The following PIGL variants were observed in gnomAD, a reference collection of about 807,000 sequenced individuals.
The protein encoded by PIGL is N-acetylglucosaminyl-phosphatidylinositol de-N-acetylase.
PIGL carries 22 observed loss-of-function variants against 31.1 expected under a neutral mutation model. The observed-to-expected ratio is 0.71, with a 90% CI of 0.51 to 1.01. The LOEUF (loss-of-function observed/expected upper bound fraction) is 1.01, where lower values mean the gene tolerates loss of function less well. Ranked by LOEUF, PIGL falls within the 50% of genes least tolerant of loss-of-function variation. The pLI is 0.00. For synonymous variants in PIGL, 131 were observed against 117.4 expected (o/e 1.12, Z -0.75); for missense variants, 302 against 315.9 (o/e 0.96, Z 0.33).
intron 1 of PIGL, among the ~76,000 whole-genome samples, chr17:16,230,005 G>C (rs1220318414): frequency 1.3e-5 from 2 of 151,954 alleles, no homozygotes; most frequent in Non-Finnish European, 2.9e-5. Context: ...GGGACTACAG[G>C]CGTGTGCCCA....
intron 1 of PIGL, among the ~76,000 whole-genome samples, chr17:16,228,430 G>A (rs937669395): frequency 4.6e-5 from 7 of 151,722 alleles, no homozygotes; most frequent in African/African-American, 1.7e-4. Flanking sequence ...TGTCGCCCAG[G>A]CTGGAGTGCA....
At chr17:16,266,388 CAAAA>C (rs60708474) in intron 2 of PIGL, among the ~76,000 whole-genome samples, 2 of 72,018 alleles carry the variant, frequency 2.8e-5, no homozygotes, top group Admixed American at 1.8e-4. Context: ...GACTCCATCT[CAAAA>C]AAAAAAAAAA....
intron 1 of PIGL, among the ~76,000 whole-genome samples, chr17:16,232,354 G>A (rs938397320): frequency 2.0e-5 from 3 of 152,062 alleles, no homozygotes; most frequent in African/African-American, 7.2e-5. Flanking sequence ...AGATTATTTT[G>A]TGCATCCTAG....
At chr17:16,242,658 T>TG (rs1310216265) in intron 2 of PIGL, among the ~76,000 whole-genome samples, 2 of 142,872 alleles carry the variant, frequency 1.4e-5, no homozygotes, top group Admixed American at 7.1e-5. Context: ...TTTTTTTTTT[T>TG]TTTTTTTTTT....
intron 3 of PIGL, 49 bp from the exon 4 acceptor site, chr17:16,313,498 T>G: frequency 1.5e-6 from 2 of 1,299,384 alleles, no homozygotes; most frequent in Non-Finnish European, 1.1e-6. Context: ...TCCATTGAAG[T>G]TGAGGTGGTG....
intron 1 of PIGL, chr17:16,217,766 CT>C (rs1469310925): frequency 1.8e-4 from 63 of 341,012 alleles, no homozygotes; most frequent in Middle Eastern, 1.7e-3. Flanking sequence ...TTCTGTGGAA[CT>C]TTTTTTTATT....
intron 2 of PIGL, among the ~76,000 whole-genome samples, chr17:16,266,190 G>A (rs939349514): frequency 3.3e-5 from 5 of 151,802 alleles, no homozygotes; most frequent in African/African-American, 1.2e-4. Context: ...TGAGGCAGGC[G>A]GATCACCTGA....
At position 16,237,833 on chromosome 17, in the gene PIGL, T is replaced by C. The variant is rs542246586; in HGVS notation, c.335+3763T>C. Reference sequence around the variant, plus strand: ...AAAAAAAAAAAAAAAAAATTGAATCTCTTTTCTGTCACACTGAAAGTCCTT... The same window carrying C: ...AAAAAAAAAAAAAAAAAATTGAATCCCTTTTCTGTCACACTGAAAGTCCTT... On this transcript the variant is annotated intron_variant, in intron 2 of 6. Coordinates refer to ENST00000225609, the MANE Select transcript of PIGL (RefSeq NM_004278.4). Among the ~76,000 whole-genome samples, 3 of 149,496 alleles carry C rather than the reference T, an allele frequency of 2.0e-5. No individual in the cohort carries two copies. The East Asian group carries it at 5.9e-4, about 29-fold the overall frequency.
intron 3 of PIGL, among the ~76,000 whole-genome samples, chr17:16,307,446 G>A (rs1912357563): frequency 6.6e-6 from 1 of 152,216 alleles, no homozygotes; most frequent in African/African-American, 2.4e-5. Context: ...CGCTGGGTGG[G>A]AGAGGGCAAC....
At chr17:16,238,789 AT>A (rs2092710286) in intron 2 of PIGL, among the ~76,000 whole-genome samples, 2 of 150,182 alleles carry the variant, frequency 1.3e-5, no homozygotes, top group South Asian at 2.1e-4. Flanking sequence ...CGTGCCTGTA[AT>A]CCCAGCTACT....
At chr17:16,291,324 T>C (rs1307302669) in intron 2 of PIGL, among the ~76,000 whole-genome samples, 3 of 151,176 alleles carry the variant, frequency 2.0e-5, no homozygotes, top group Non-Finnish European at 4.4e-5. Flanking sequence ...CTGGCCAACA[T>C]GGTGAAACCC....
At chr17:16,293,029 C>T (rs974650071) in intron 2 of PIGL, among the ~76,000 whole-genome samples, 3 of 152,140 alleles carry the variant, frequency 2.0e-5, no homozygotes, top group African/African-American at 7.2e-5. Context: ...GGACCCAGGC[C>T]TTGAGCTGAT....
At chr17:16,225,388 T>C (rs1371398500) in intron 1 of PIGL, among the ~76,000 whole-genome samples, 3 of 141,564 alleles carry the variant, frequency 2.1e-5, no homozygotes, top group African/African-American at 7.9e-5. Flanking sequence ...CGTTTCTTTT[T>C]TTTTTTTTTT....
At chr17:16,234,706 A>G (rs1356178326) in intron 2 of PIGL, among the ~76,000 whole-genome samples, 1 of 152,234 alleles carries the variant, frequency 6.6e-6, no homozygotes, top group South Asian at 2.1e-4. Context: ...CAGAGGTTGC[A>G]GTGAGCCAAG....
chr17:16,236,621 G>A (rs550389959), intron 2 of PIGL, among the ~76,000 whole-genome samples: 2 of 152,188 alleles, frequency 1.3e-5, no homozygotes, highest in South Asian at 2.1e-4. Flanking sequence ...AGGCTGGAGT[G>A]CAGTGGTGCG....
chr17:16,247,445 T>C (rs2092753352), intron 2 of PIGL, among the ~76,000 whole-genome samples: 2 of 152,108 alleles, frequency 1.3e-5, no homozygotes, highest in African/African-American at 2.4e-5. Flanking sequence ...ATTTACAAAA[T>C]ATAAGGAATG....
intron 3 of PIGL, among the ~76,000 whole-genome samples, chr17:16,310,499 T>TA (rs990885413): frequency 1.7e-4 from 26 of 152,298 alleles, no homozygotes; most frequent in Admixed American, 7.2e-4. Flanking sequence ...GAAACTCATG[T>TA]ACTTGGTTGG....
intron 5 of PIGL, 90 bp downstream of exon 5, chr17:16,316,802 C>T: frequency 3.8e-6 from 6 of 1,581,394 alleles, no homozygotes; most frequent in Non-Finnish European, 2.6e-6. Flanking sequence ...CAGAGAGCTG[C>T]CCTCAGCCGA....
intron 1 of PIGL, among the ~76,000 whole-genome samples, chr17:16,224,078 G>C (rs1307280614): frequency 6.6e-6 from 1 of 151,824 alleles, no homozygotes; most frequent in Non-Finnish European, 1.5e-5. Context: ...AGCTGGGCAT[G>C]GTGATGTGCG....
Sources: gnomAD v4.1 joint callset for allele counts (sites outside exome capture counted in the v4.1 genomes callset) on GRCh38, gnomAD v4.1.1 for gene constraint, MANE v1.5 for transcripts, NCBI Gene and HGNC (gene_info 2026-07-23, HGNC 2026-07-21) for gene names.